ARFGAP3: variants seen among roughly 807,000 people sequenced by gnomAD.
ARFGAP3 encodes ARF GTPase activating protein 3.
A neutral mutation model predicts 75.0 loss-of-function variants in ARFGAP3; 72 were observed. The observed-to-expected ratio is 0.96, with a 90% CI of 0.79 to 1.17. The LOEUF is 1.17. ARFGAP3 is among the 50% of genes most tolerant of loss of function. ARFGAP3 has a pLI of 0.00. For synonymous variants in ARFGAP3, 221 were observed against 217.9 expected, an observed-to-expected ratio of 1.01 and a Z score of -0.13; for missense variants, 620 against 626.6, an observed-to-expected ratio of 0.99 and a Z score of 0.11.
At chr22:42,802,545 A>G (rs1210349175) in intron 14 of ARFGAP3, among the ~76,000 whole-genome samples, 2 of 150,576 alleles carry the variant, frequency 1.3e-5, no homozygotes, top group Non-Finnish European at 3.0e-5. Context: ...CACCCGCCTC[A>G]GCCTCCCAAA....
In ARFGAP3 at chr22:42,835,374, C is replaced by T. The variant is rs765114652; in HGVS notation, c.381G>A (p.Lys127=). The change falls in exon 4 of 16, where the codon AAG becomes AAA. Residue 127 remains lysine, a synonymous_variant. Transcript: ENST00000263245. The part of the protein sequence containing the change: ...IKSLASQATR[K]HGTDLWLDSC... Reference sequence around the variant, plus strand: ...TCCAGTGACTTACATCAGTGCCATGCTTCCGTGTTGCTTGAGAGGCGAGCG... The same window carrying T: ...TCCAGTGACTTACATCAGTGCCATGTTTCCGTGTTGCTTGAGAGGCGAGCG... The T allele has an allele frequency of 1.7e-5, 27 of 1,613,912 alleles. No homozygotes were observed. The highest frequency in any genetic ancestry group is 3.3e-5 in the Admixed American group (2 of 59,992).
chr22:42,835,245 C>T (rs1602119220), intron 4 of ARFGAP3, 117 bp downstream of exon 4: 2 of 1,183,310 alleles, frequency 1.7e-6, no homozygotes, highest in Non-Finnish European at 2.4e-6. Context: ...ATCTACTGTA[C>T]ACTAATTCCT....
At position 42,810,951 on chromosome 22, in the gene ARFGAP3, G is replaced by A. The variant is rs761583043; in HGVS notation, c.1065-7C>T. ...CACTGGCTCGTCAAAGTAACTGTAG[G>A]AGCAAGAGTACAACAGTGACTTTGG... On this transcript the variant is annotated splice_region_variant and splice_polypyrimidine_tract_variant and intron_variant, in intron 11 of 15. Transcript: ENST00000263245. 8 of 1,613,588 alleles carry A rather than the reference G, an allele frequency of 5.0e-6. No homozygotes were observed. Among genetic ancestry groups the A allele is most frequent in the Admixed American group, 1.7e-5 (1 of 59,976 alleles).
intron 12 of ARFGAP3, among the ~76,000 whole-genome samples, 158 bp downstream of exon 12, chr22:42,810,655 G>C (rs189092771): frequency 6.6e-6 from 1 of 152,260 alleles, no homozygotes; most frequent in East Asian, 1.9e-4. Flanking sequence ...CTGGGCTCAA[G>C]TGATCCTTTG....
At chr22:42,809,040 A>G (rs1925250585) in intron 12 of ARFGAP3, 150 bp from the exon 13 acceptor site, 2 of 998,462 alleles carry the variant, frequency 2.0e-6, no homozygotes, top group Non-Finnish European at 2.7e-6. Context: ...TCTAATTAAA[A>G]AAAAAAGAAT....
At chr22:42,824,135 G>A (rs1300513274) in intron 7 of ARFGAP3, among the ~76,000 whole-genome samples, 1 of 144,782 alleles carries the variant, frequency 6.9e-6, no homozygotes, top group African/African-American at 2.5e-5. Flanking sequence ...CTCCTGAGTA[G>A]TTGGGATCAC....
chr22:42,800,528 C>T (rs772375317), intron 14 of ARFGAP3, among the ~76,000 whole-genome samples: 7 of 152,142 alleles, frequency 4.6e-5, no homozygotes, highest in Non-Finnish European at 1.0e-4. Flanking sequence ...GAGACCCCAT[C>T]TCAAAAACAA....
intron 13 of ARFGAP3, among the ~76,000 whole-genome samples, chr22:42,808,287 A>C (rs1925214205): frequency 6.6e-6 from 1 of 151,770 alleles, no homozygotes; most frequent in Non-Finnish European, 1.5e-5. Context: ...ATTCCCAGCT[A>C]CTTGGGAGGC....
At chr22:42,832,852 G>A (rs940522112) in intron 5 of ARFGAP3, among the ~76,000 whole-genome samples, 2 of 152,154 alleles carry the variant, frequency 1.3e-5, no homozygotes, top group Non-Finnish European at 2.9e-5. Context: ...AGGTGTGGTG[G>A]CACATGCCTA....
At chr22:42,808,721 C>A in intron 13 of ARFGAP3, 46 bp downstream of exon 13, 1 of 1,504,348 alleles carries the variant, frequency 6.6e-7, no homozygotes, top group Non-Finnish European at 9.1e-7. Context: ...ACCCACACTT[C>A]CTTCCTGCAT....
intron 6 of ARFGAP3, 51 bp downstream of exon 6, chr22:42,831,498 C>G (rs753429803): frequency 6.4e-7 from 1 of 1,562,488 alleles, no homozygotes; most frequent in South Asian, 1.1e-5. Context: ...AGTTTCATAG[C>G]ATGCCACTGA....
In ARFGAP3 at chr22:42,807,080, C is replaced by T. The variant is rs35498349; in HGVS notation, c.1404G>A (p.Gln468=). The change falls in exon 14 of 16, where the codon CAG becomes CAA. Residue 468 remains glutamine (Q), a synonymous_variant. Coordinates refer to ENST00000263245, the MANE Select transcript of ARFGAP3 (RefSeq NM_014570.5). ...TTGTTCAGTGCCCCCTACCTGCTGGCTGCTTCCTCGGCTCCTCGAACAGAT... is the reference window on the plus strand; with the variant it reads ...TTGTTCAGTGCCCCCTACCTGCTGGTTGCTTCCTCGGCTCCTCGAACAGAT... ...SADLFEEPRK[Q]PAGNYSLSSV... 6.2e-7 allele frequency: 1 copy of T among 1,610,332 alleles called. No individual in the cohort carries two copies. Among genetic ancestry groups the T allele is most frequent in the South Asian group, 1.1e-5 (1 of 90,152 alleles).
intron 12 of ARFGAP3, among the ~76,000 whole-genome samples, chr22:42,809,792 A>C (rs149982946): frequency 1.5e-3 from 221 of 151,842 alleles, no homozygotes; most frequent in Non-Finnish European, 2.7e-3. Flanking sequence ...TCATGAGGTC[A>C]GGAGATCGAG....
chr22:42,819,540 G>C (rs1193945440), intron 9 of ARFGAP3, among the ~76,000 whole-genome samples: 1 of 148,974 alleles, frequency 6.7e-6, no homozygotes, highest in African/African-American at 2.6e-5. Context: ...GAGTGCTTAC[G>C]GGTACTGGCT....
intron 12 of ARFGAP3, among the ~76,000 whole-genome samples, chr22:42,810,000 TC>T (rs2146533430): frequency 1.4e-5 from 1 of 71,850 alleles, no homozygotes; most frequent in East Asian, 4.1e-4. Flanking sequence ...CAAGACTCCA[TC>T]TTAAAAAAAA....
At chr22:42,832,397 G>C (rs1926333692) in intron 5 of ARFGAP3, among the ~76,000 whole-genome samples, 1 of 151,748 alleles carries the variant, frequency 6.6e-6, no homozygotes, top group Non-Finnish European at 1.5e-5. Flanking sequence ...CAGGCGTGGT[G>C]GTGTGGGCCT....
chr22:42,849,068 C>T (rs925791650), intron 1 of ARFGAP3, among the ~76,000 whole-genome samples: 11 of 152,138 alleles, frequency 7.2e-5, no homozygotes, highest in African/African-American at 2.7e-4. Flanking sequence ...AGTTGAGGCC[C>T]CCAGTCCAAC....
intron 2 of ARFGAP3, among the ~76,000 whole-genome samples, chr22:42,846,254 C>G (rs571008483): frequency 6.6e-6 from 1 of 152,318 alleles, no homozygotes; most frequent in Admixed American, 6.5e-5. Context: ...CTGGGGGAGG[C>G]AGCAATGACT....
intron 6 of ARFGAP3, among the ~76,000 whole-genome samples, chr22:42,828,771 G>A (rs563926636): frequency 3.1e-5 from 4 of 129,648 alleles, no homozygotes; most frequent in East Asian, 2.7e-4. Context: ...TGCAACCTCC[G>A]CCTCCCAGGT....
Sources: allele counts gnomAD v4.1 joint callset (sites outside exome capture counted in the v4.1 genomes callset), GRCh38; gene constraint gnomAD v4.1.1; transcripts MANE v1.5; gene names NCBI Gene and HGNC (gene_info 2026-07-23, HGNC 2026-07-21).